The following UBE2D3 variants were observed in gnomAD, a reference collection of about 807,000 sequenced individuals.
UBE2D3 encodes ubiquitin conjugating enzyme E2 D3, also known as ubiquitin-conjugating enzyme E2 D3.
In UBE2D3, 2 loss-of-function variants were observed where a neutral mutation model predicts 22.8. That is an observed-to-expected ratio of 0.09 (90% CI 0.04 to 0.28). UBE2D3 has a LOEUF of 0.28. UBE2D3 is among the 10% of genes least tolerant of loss of function. The probability of loss-of-function intolerance (pLI) is 1.00; values close to 1 mark genes in which losing one functional copy is unlikely to be tolerated. For missense variants in UBE2D3, 27 were observed against 182.5 expected, an observed-to-expected ratio of 0.15 and a Z score of 4.91; for synonymous variants, 56 against 60.4, an observed-to-expected ratio of 0.93 and a Z score of 0.34.
chr4:102,867,535 G>A (rs1403567515), intron 1 of UBE2D3, among the ~76,000 whole-genome samples: 1 of 152,266 alleles, frequency 6.6e-6, no homozygotes, highest in East Asian at 1.9e-4. Flanking sequence ...TATTTCAAGG[G>A]AGTGAAATTT....
chr4:102,867,774 G>A (rs1370646726), intron 1 of UBE2D3, among the ~76,000 whole-genome samples: 1 of 152,176 alleles, frequency 6.6e-6, no homozygotes, highest in Non-Finnish European at 1.5e-5. Context: ...TACAGCCTGG[G>A]CGATAGAGCG....
At position 102,827,341 on chromosome 4, in the gene UBE2D3, G is replaced by A. The variant is rs28534768; in HGVS notation, c.-129+86C>T. On this transcript the variant is annotated intron_variant, in intron 1 of 7. Coordinates refer to ENST00000453744, the MANE Select transcript of UBE2D3 (RefSeq NM_181891.3). The stretch of plus-strand genomic sequence containing the variant: ...ACCCAATAGGCTGGCCGCTCAAGCC[G>A]CCCAGGTCCCGCACTGCCCCTCTTA... 574 of 979,224 alleles carry A rather than the reference G, an allele frequency of 5.9e-4. 2 individuals are homozygous for A. The African/African-American group carries it at 9.5e-3, about 16-fold the overall frequency. The allele number at this position is 979,224 out of a possible 1,614,324, so 60.7% of individuals were successfully genotyped here. A position where few individuals can be genotyped will look rare whatever the true frequency, so the allele number is the denominator to read the frequency against.
At chr4:102,853,135 ATTTTTTTTTTTT>A in intron 1 of UBE2D3, among the ~76,000 whole-genome samples, 1 of 88,606 alleles carries the variant, frequency 1.1e-5, no homozygotes, top group East Asian at 3.4e-4. Context: ...AAACACACAC[ATTTTTTTTTTTT>A]TTTTTTTTTT....
chr4:102,855,090 A>T (rs189494184), intron 1 of UBE2D3, among the ~76,000 whole-genome samples: 6 of 152,342 alleles, frequency 3.9e-5, no homozygotes, highest in Admixed American at 2.6e-4. Flanking sequence ...ATAAATTATA[A>T]CAGCCTTCTG....
intron 2 of UBE2D3, chr4:102,825,363 A>G (rs1423180950): frequency 2.0e-6 from 2 of 1,009,710 alleles, no homozygotes; most frequent in African/African-American, 1.7e-5. Context: ...TACAAGTCAC[A>G]AAAAAGGGAA....
intron 2 of UBE2D3, chr4:102,825,726 G>T: frequency 1.9e-6 from 1 of 537,898 alleles, no homozygotes; most frequent in Non-Finnish European, 3.3e-6. Context: ...AGGTACATTA[G>T]CTTTCCCTTA....
chr4:102,828,043 C>T (rs548869809), upstream of UBE2D3: 23 of 985,458 alleles, frequency 2.3e-5, no homozygotes, highest in East Asian at 8.0e-4. Context: ...CTTTTCCTGA[C>T]GGGGTTCCGC....
At chr4:102,819,709 T>A in intron 2 of UBE2D3, 2 of 474,266 alleles carry the variant, frequency 4.2e-6, no homozygotes, top group Non-Finnish European at 5.5e-6. Flanking sequence ...ATCACCACGA[T>A]GTTCCACAAA....
At chr4:102,833,651 C>T (rs1236326370) in intron 1 of UBE2D3, among the ~76,000 whole-genome samples, 1 of 152,100 alleles carries the variant, frequency 6.6e-6, no homozygotes, top group Non-Finnish European at 1.5e-5. Flanking sequence ...ACTTTTGAGT[C>T]AAGAAATGCT....
chr4:102,827,796 C>T (rs574019042), upstream of UBE2D3: 260 of 985,690 alleles, frequency 2.6e-4, no homozygotes, highest in Non-Finnish European at 2.9e-4. Flanking sequence ...GGATCATGAG[C>T]TGGGGGGAGG....
chr4:102,813,494 C>T (rs548896740), intron 2 of UBE2D3, among the ~76,000 whole-genome samples: 1 of 152,270 alleles, frequency 6.6e-6, no homozygotes, highest in African/African-American at 2.4e-5. Flanking sequence ...AAATGGTCAA[C>T]TTACAGGTGA....
chr4:102,858,891 T>C (rs534638978), intron 1 of UBE2D3, among the ~76,000 whole-genome samples: 2 of 152,142 alleles, frequency 1.3e-5, no homozygotes, highest in Non-Finnish European at 2.9e-5. Flanking sequence ...ACTGTAGCTA[T>C]AGTTATTTTT....
At chr4:102,813,041 G>C (rs1183536893) in intron 2 of UBE2D3, 1 of 152,156 alleles carries the variant, frequency 6.6e-6, no homozygotes, top group East Asian at 1.9e-4. Flanking sequence ...CACAAATACG[G>C]ACTAAGAATA....
chr4:102,822,931 G>A (rs1429207816), intron 2 of UBE2D3, among the ~76,000 whole-genome samples: 1 of 152,104 alleles, frequency 6.6e-6, no homozygotes, highest in Non-Finnish European at 1.5e-5. Flanking sequence ...GTGAGACTCC[G>A]TCTCCAACAA....
At chr4:102,806,062 T>C (rs1176349723) in intron 4 of UBE2D3, among the ~76,000 whole-genome samples, 2 of 152,224 alleles carry the variant, frequency 1.3e-5, no homozygotes, top group Non-Finnish European at 2.9e-5. Context: ...TACTAATGAT[T>C]ATCCCTCCAT....
At chr4:102,805,495 C>CCT (rs113657202) in intron 4 of UBE2D3, among the ~76,000 whole-genome samples, 1 of 140,642 alleles carries the variant, frequency 7.1e-6, no homozygotes, top group African/African-American at 2.6e-5. Flanking sequence ...CGTTGGTATT[C>CCT]TTTTTTTTTT....
chr4:102,829,919 CAAAAA>C (rs150018312), upstream of UBE2D3, among the ~76,000 whole-genome samples: 1 of 148,186 alleles, frequency 6.7e-6, no homozygotes, highest in Non-Finnish European at 1.5e-5. Context: ...GACCCTGTCT[CAAAAA>C]AAAACAAGAA....
intron 2 of UBE2D3, chr4:102,825,967 A>C (rs956479530): frequency 1.6e-5 from 5 of 315,266 alleles, no homozygotes; most frequent in Non-Finnish European, 6.3e-6. Flanking sequence ...AGACTCACTG[A>C]CTGACCTTCA....
intron 1 of UBE2D3, among the ~76,000 whole-genome samples, chr4:102,857,700 TTG>T (rs758915848): frequency 6.6e-6 from 1 of 151,852 alleles, no homozygotes; most frequent in African/African-American, 2.4e-5. Context: ...CAATTTTATT[TTG>T]TGTGTGTGTG....
Sources: allele counts gnomAD v4.1 joint callset (sites outside exome capture counted in the v4.1 genomes callset), GRCh38; gene constraint gnomAD v4.1.1; transcripts MANE v1.5; gene names NCBI Gene and HGNC (gene_info 2026-07-23, HGNC 2026-07-21).